MARCHF1: variants seen among roughly 807,000 people sequenced by gnomAD.
MARCHF1 encodes membrane associated ring-CH-type finger 1.
A neutral mutation model predicts 54.2 loss-of-function variants in MARCHF1; 40 were observed. That is an observed-to-expected ratio of 0.74 (90% CI 0.57 to 0.96). The LOEUF (loss-of-function observed/expected upper bound fraction) is 0.96. Ranked by LOEUF, MARCHF1 falls within the 40% of genes least tolerant of loss-of-function variation. MARCHF1 has a pLI of 0.00. For synonymous variants in MARCHF1, 236 were observed against 236.3 expected (o/e 1.00, Z 0.01); for missense variants, 586 against 656.5 (o/e 0.89, Z 1.17).
intron 1 of MARCHF1, among the ~76,000 whole-genome samples, chr4:164,303,035 A>C (rs1420376580): frequency 6.6e-6 from 1 of 152,194 alleles, no homozygotes; most frequent in Non-Finnish European, 1.5e-5. Context: ...AAAATCACTA[A>C]TAGATGTTCA....
In MARCHF1 at chr4:164,307,146, T is replaced by C. The variant is rs79293290; in HGVS notation, c.-323+76724A>G. On this transcript the variant is annotated intron_variant, in intron 1 of 9. Coordinates refer to ENST00000514618, the MANE Select transcript of MARCHF1 (RefSeq NM_001394959.1). ...ACACTTCCTTGCCACCCACACCTCATTTCTTGCCCAACTAGATACAGATTT... is the reference window on the plus strand; with the variant it reads ...ACACTTCCTTGCCACCCACACCTCACTTCTTGCCCAACTAGATACAGATTT... 2.6e-3 allele frequency among the ~76,000 whole-genome samples: 390 copies of C among 152,272 alleles called. 1 individual carries two copies. Among genetic ancestry groups the C allele is most frequent in the African/African-American group, 8.7e-3 (360 of 41,558 alleles).
At chr4:163,807,968 T>C (rs1748272225) in intron 4 of MARCHF1, among the ~76,000 whole-genome samples, 1 of 152,234 alleles carries the variant, frequency 6.6e-6, no homozygotes, top group Admixed American at 6.5e-5. Context: ...ATTGGCTCTT[T>C]AGTGATTGAT....
At chr4:164,154,043 T>C (rs971881466) in intron 1 of MARCHF1, among the ~76,000 whole-genome samples, 1 of 152,230 alleles carries the variant, frequency 6.6e-6, no homozygotes, top group Middle Eastern at 3.2e-3. Context: ...ACTGGGTACA[T>C]TGCACATATT....
chr4:164,172,005 G>A (rs183225388), intron 1 of MARCHF1, among the ~76,000 whole-genome samples: 7 of 152,208 alleles, frequency 4.6e-5, no homozygotes, highest in South Asian at 2.1e-4. Flanking sequence ...GTCATAGCCC[G>A]TCTCTCCAAC....
rs1181839898 is a variant in MARCHF1 at position 164,170,057 on chromosome 4, C to T, written c.-322-58395G>A. On this transcript the variant is annotated intron_variant, in intron 1 of 9. Transcript: ENST00000514618. ...CAGGTGTATTTTGAAAGCCAAAATT[C>T]TCAGCTATCTTCCCACAAAGGCAGA... is the stretch of plus-strand genomic sequence containing the variant. Among the ~76,000 whole-genome samples, 3 of 152,018 alleles carry T rather than the reference C, an allele frequency of 2.0e-5. No homozygotes were observed. The East Asian group carries it at 5.8e-4, about 29-fold the overall frequency.
chr4:163,770,295 C>T lies in MARCHF1; in HGVS notation c.112-69432G>A, dbSNP rs558264862. Among the ~76,000 whole-genome samples, 3 of 152,128 alleles carry T rather than the reference C, an allele frequency of 2.0e-5. No homozygotes were observed. The East Asian group carries it at 5.8e-4, about 29-fold the overall frequency. ...GAGTCAATTGTATATTTAAAATCCT[C>T]CCTTAAGTGATTTTAAGCCTAAACT... On this transcript the variant is annotated intron_variant, in intron 4 of 9. Coordinates refer to ENST00000514618, the MANE Select transcript of MARCHF1 (RefSeq NM_001394959.1).
At chr4:163,916,708 G>T (rs1318687715) in intron 3 of MARCHF1, among the ~76,000 whole-genome samples, 1 of 151,950 alleles carries the variant, frequency 6.6e-6, no homozygotes, top group Non-Finnish European at 1.5e-5. Context: ...CCTGTTTTAG[G>T]TTCACAGCAC....
chr4:164,088,694 G>A (rs995694941), intron 2 of MARCHF1, among the ~76,000 whole-genome samples: 1 of 152,108 alleles, frequency 6.6e-6, no homozygotes, highest in African/African-American at 2.4e-5. Flanking sequence ...AGCCCAGATC[G>A]CACCACTGCA....
At chr4:163,918,068 G>A (rs1751348442) in intron 3 of MARCHF1, among the ~76,000 whole-genome samples, 2 of 152,036 alleles carry the variant, frequency 1.3e-5, no homozygotes, top group African/African-American at 4.8e-5. Context: ...GTTAATTTTT[G>A]TATAAGATGT....
intron 5 of MARCHF1, among the ~76,000 whole-genome samples, chr4:163,637,781 G>A (rs1742394471): frequency 6.6e-6 from 1 of 151,954 alleles, no homozygotes; most frequent in African/African-American, 2.4e-5. Flanking sequence ...CTGCTATAAA[G>A]ACACATGCAC....
At chr4:163,714,515 T>G (rs1745201564) in intron 4 of MARCHF1, among the ~76,000 whole-genome samples, 1 of 152,232 alleles carries the variant, frequency 6.6e-6, no homozygotes. Flanking sequence ...TCAATCACAT[T>G]TACTTTCTTT....
intron 4 of MARCHF1, among the ~76,000 whole-genome samples, chr4:163,738,028 G>T (rs1337895628): frequency 1.3e-5 from 2 of 152,178 alleles, no homozygotes; most frequent in East Asian, 3.9e-4. Context: ...GCTTCCTGGT[G>T]GTCTGGATGT....
chr4:163,527,423 C>CATTTG lies in MARCHF1; in HGVS notation c.*1320_*1324dup, dbSNP rs1350507501. 9.9e-5 allele frequency: 15 copies of CATTTG among 152,200 alleles called. No homozygotes were observed. Among genetic ancestry groups the CATTTG allele is most frequent in the African/African-American group, 3.4e-4 (14 of 41,574 alleles). 9.4% of individuals were successfully genotyped at this position (152,200 alleles called of 1,614,324 possible). A position where few individuals can be genotyped will look rare whatever the true frequency, so the allele number is the denominator to read the frequency against. ...TCATATGGATGAAATAAGCCTTACA[C>CATTTG]ATTTGATTTAATAACAAAAATAGGT... is the stretch of plus-strand genomic sequence containing the variant. On this transcript the variant is annotated 3_prime_UTR_variant, in exon 10 of 10. Coordinates refer to ENST00000514618, the MANE Select transcript of MARCHF1 (RefSeq NM_001394959.1).
intron 1 of MARCHF1, among the ~76,000 whole-genome samples, chr4:164,245,334 A>G (rs1261131155): frequency 3.3e-5 from 5 of 152,164 alleles, no homozygotes; most frequent in African/African-American, 7.2e-5. Context: ...TATAAACAGA[A>G]CCAAAGACAA....
intron 1 of MARCHF1, among the ~76,000 whole-genome samples, chr4:164,314,127 T>G (rs1734937701): frequency 6.6e-6 from 1 of 152,244 alleles, no homozygotes; most frequent in East Asian, 1.9e-4. Context: ...CATGTTCTGC[T>G]GATTGTCTTC....
chr4:164,004,246 C>CATATATATATATAT (rs70948686), intron 2 of MARCHF1, among the ~76,000 whole-genome samples: 4 of 149,978 alleles, frequency 2.7e-5, no homozygotes, highest in East Asian at 2.0e-4. Context: ...TGTTTACATA[C>CATATATATATATAT]ATATATATAT....
chr4:164,220,484 G>A (rs914129146), intron 1 of MARCHF1, among the ~76,000 whole-genome samples: 1 of 144,640 alleles, frequency 6.9e-6, no homozygotes, highest in Non-Finnish European at 1.5e-5. Flanking sequence ...ATATATATGG[G>A]AGCATATACA....
chr4:164,122,731 T>G (rs2952337), intron 1 of MARCHF1, among the ~76,000 whole-genome samples: 139,201 of 151,972 alleles, frequency 0.92, 63,932 homozygotes, highest in East Asian at 1. Flanking sequence ...TCTTGTGTGT[T>G]TTCGTGTCCT....
At chr4:163,760,825 C>G (rs1746807236) in intron 4 of MARCHF1, among the ~76,000 whole-genome samples, 1 of 152,148 alleles carries the variant, frequency 6.6e-6, no homozygotes, top group East Asian at 1.9e-4. Context: ...AACATTTCAT[C>G]TTATAAATTT....
Sources: gnomAD v4.1 joint callset for allele counts (sites outside exome capture counted in the v4.1 genomes callset) on GRCh38, gnomAD v4.1.1 for gene constraint, MANE v1.5 for transcripts, NCBI Gene and HGNC (gene_info 2026-07-23, HGNC 2026-07-21) for gene names.